Variants in ARHGEF38 observed in about 807,000 individuals in gnomAD.
ARHGEF38 encodes Rho guanine nucleotide exchange factor (GEF) 38.
ARHGEF38 carries 79 observed loss-of-function variants against 79.9 expected under a neutral mutation model. That is an observed-to-expected ratio of 0.99 (90% confidence interval 0.82 to 1.19). ARHGEF38 has a LOEUF of 1.19. ARHGEF38 is among the 50% of genes most tolerant of loss of function. The probability of loss-of-function intolerance (pLI) is 0.00; values close to 1 mark genes in which losing one functional copy is unlikely to be tolerated. For synonymous variants in ARHGEF38, 366 were observed against 328.3 expected, an observed-to-expected ratio of 1.11 and a Z score of -1.24; for missense variants, 962 against 907.2, an observed-to-expected ratio of 1.06 and a Z score of -0.78.
chr4:105,632,188 A>G (rs1256972388), intron 4 of ARHGEF38, among the ~76,000 whole-genome samples: 1 of 152,198 alleles, frequency 6.6e-6, no homozygotes, highest in Non-Finnish European at 1.5e-5. Flanking sequence ...TAAATAAATA[A>G]AATTTCAACT....
chr4:105,592,384 T>G (rs984041683), intron 2 of ARHGEF38, among the ~76,000 whole-genome samples: 9 of 152,026 alleles, frequency 5.9e-5, no homozygotes, highest in Admixed American at 5.9e-4. Context: ...TGCCCAAGCC[T>G]ACTCCCACTG....
rs1476777081 is a variant in ARHGEF38, at chr4:105,653,766, C to T, written c.1009-299C>T. On this transcript the variant is annotated intron_variant, in intron 7 of 13. Transcript: ENST00000420470. ...GGTTTGCGTACATACATAATATATG[C>T]CATTAAAAACTACAGAGAAAGTTTT... Among the ~76,000 whole-genome samples the T allele has an allele frequency of 2.6e-5, 4 of 152,124 alleles. No homozygotes were observed. The East Asian group carries it at 5.8e-4, about 22-fold the overall frequency.
At chr4:105,641,606 T>A (rs1311155759) in intron 5 of ARHGEF38, among the ~76,000 whole-genome samples, 1 of 152,130 alleles carries the variant, frequency 6.6e-6, no homozygotes, top group African/African-American at 2.4e-5. Flanking sequence ...AGGATGCTTG[T>A]GATCATGAAA....
chr4:105,651,023 C>G (rs1430714535), intron 7 of ARHGEF38, among the ~76,000 whole-genome samples: 3 of 152,138 alleles, frequency 2.0e-5, no homozygotes, highest in Non-Finnish European at 4.4e-5. Flanking sequence ...AATTCCCCCC[C>G]CAAGTCTTTG....
rs565991900 is a variant in ARHGEF38, at chr4:105,650,479, G to T, written c.1008+1797G>T. Among the ~76,000 whole-genome samples, 20 of 152,322 alleles carry T rather than the reference G, an allele frequency of 1.3e-4. No individual in the cohort carries two copies. In the South Asian group the frequency reaches 4.1e-3, roughly 32 times the overall value. On this transcript the variant is annotated intron_variant, in intron 7 of 13. Coordinates refer to ENST00000420470, the MANE Select transcript of ARHGEF38 (RefSeq NM_001242729.2). ...CCCCTATATCCCAAAGCCCATTGGA[G>T]TTATTTAAAATAGCCAGTCCTAAAC...
intron 7 of ARHGEF38, among the ~76,000 whole-genome samples, chr4:105,652,026 A>G (rs1168274377): frequency 6.6e-6 from 1 of 152,242 alleles, no homozygotes; most frequent in East Asian, 1.9e-4. Flanking sequence ...GGCTTCATCC[A>G]CATCCTATTT....
intron 1 of ARHGEF38, among the ~76,000 whole-genome samples, chr4:105,561,083 T>A (rs1698911231): frequency 6.6e-6 from 1 of 152,102 alleles, no homozygotes; most frequent in Non-Finnish European, 1.5e-5. Context: ...ATTTTGTCTG[T>A]CTAAAAGTTT....
intron 5 of ARHGEF38, among the ~76,000 whole-genome samples, chr4:105,639,890 G>T (rs1399219223): frequency 6.6e-6 from 1 of 151,902 alleles, no homozygotes; most frequent in Non-Finnish European, 1.5e-5. Flanking sequence ...TATTAAAAAT[G>T]ATATATAGCC....
intron 3 of ARHGEF38, among the ~76,000 whole-genome samples, chr4:105,620,897 A>G (rs1432138999): frequency 6.6e-6 from 1 of 152,200 alleles, no homozygotes. Context: ...ATGACACTGT[A>G]TCAGTAATTG....
chr4:105,648,473 C>T lies in ARHGEF38; in HGVS notation c.875-76C>T. ...ATTTATCTTGAATATAAATACTCGT[C>T]TTGAAAACTTTGGGTGAAGTGCACA... On this transcript the variant is annotated intron_variant, in intron 6 of 13. Coordinates refer to ENST00000420470, the MANE Select transcript of ARHGEF38 (RefSeq NM_001242729.2). The T allele has an allele frequency of 5.4e-6, 7 of 1,305,998 alleles. No individual in the cohort carries two copies. The South Asian group carries it at 1.3e-4, about 23-fold the overall frequency. 80.9% of individuals were successfully genotyped at this position (1,305,998 alleles called of 1,614,324 possible).
chr4:105,661,542 G>A (rs77914400), intron 10 of ARHGEF38, among the ~76,000 whole-genome samples: 5,527 of 149,516 alleles, frequency 0.037, 144 homozygotes, highest in Middle Eastern at 0.063. Flanking sequence ...TAATGGGTGT[G>A]CAGTGGTATC....
intron 9 of ARHGEF38, 121 bp from the exon 10 acceptor site, chr4:105,658,933 G>T: frequency 1.2e-6 from 1 of 807,114 alleles, no homozygotes; most frequent in East Asian, 2.7e-5. Flanking sequence ...AATCTGGGTA[G>T]GTGCTTTCCT....
In ARHGEF38 at chr4:105,636,471, T is replaced by G. The variant is rs1040318632; in HGVS notation, c.674+51T>G. ...ATCAAATATAAAAATCACGAGAAAA[T>G]GCAGCTGACTGTTCCTGTCCAAATC... On this transcript the variant is annotated intron_variant, in intron 5 of 13. Coordinates refer to ENST00000420470, the MANE Select transcript of ARHGEF38 (RefSeq NM_001242729.2). 9.4e-6 allele frequency: 3 copies of G among 320,274 alleles called. No homozygotes were observed. In the Admixed American group the frequency reaches 1.6e-4, roughly 17 times the overall value. The allele number at this position is 320,274 out of a possible 1,614,324, so 19.8% of individuals were successfully genotyped here.
At chr4:105,585,594 A>G (rs981274450) in intron 1 of ARHGEF38, among the ~76,000 whole-genome samples, 1 of 152,208 alleles carries the variant, frequency 6.6e-6, no homozygotes, top group Non-Finnish European at 1.5e-5. Context: ...TATTTCTGTT[A>G]TAGCAATCTG....
chr4:105,629,492 C>T (rs993164667), intron 3 of ARHGEF38, among the ~76,000 whole-genome samples: 1 of 151,856 alleles, frequency 6.6e-6, no homozygotes, highest in Non-Finnish European at 1.5e-5. Context: ...GAATGACTTA[C>T]TCCTGTTAAC....
chr4:105,623,868 C>G (rs148498233), intron 3 of ARHGEF38, among the ~76,000 whole-genome samples: 1 of 152,180 alleles, frequency 6.6e-6, no homozygotes, highest in African/African-American at 2.4e-5. Flanking sequence ...CTAGCACCCC[C>G]CAGTTTGTCC....
chr4:105,625,694 G>A (rs1023877875), intron 3 of ARHGEF38, among the ~76,000 whole-genome samples: 5 of 152,114 alleles, frequency 3.3e-5, no homozygotes, highest in African/African-American at 4.8e-5. Flanking sequence ...TCCCACTGTG[G>A]GCTTTAATTA....
intron 5 of ARHGEF38, among the ~76,000 whole-genome samples, chr4:105,643,062 T>G (rs1177406358): frequency 6.6e-6 from 1 of 151,948 alleles, no homozygotes; most frequent in East Asian, 1.9e-4. Flanking sequence ...TATAAGAAAA[T>G]GTCCTTCATA....
chr4:105,661,694 T>C (rs964907198), intron 10 of ARHGEF38, among the ~76,000 whole-genome samples: 2 of 152,068 alleles, frequency 1.3e-5, no homozygotes, highest in African/African-American at 4.8e-5. Context: ...TCTGTGTAAC[T>C]ACCACCCAGA....
Sources: allele counts gnomAD v4.1 joint callset (sites outside exome capture counted in the v4.1 genomes callset), GRCh38; gene constraint gnomAD v4.1.1; transcripts MANE v1.5; gene names NCBI Gene and HGNC (gene_info 2026-07-23, HGNC 2026-07-21).